The following TENM2 variants were observed in gnomAD, a reference collection of about 807,000 sequenced individuals.
TENM2 encodes the protein teneurin-2.
Under a neutral mutation model 245.2 loss-of-function variants are expected in TENM2, and 52 were observed. The ratio of observed to expected loss-of-function variants is 0.21; its 90% confidence interval spans 0.17 to 0.27. TENM2 has a LOEUF of 0.27. TENM2 is among the 10% of genes least tolerant of loss of function. The pLI is 1.00. For synonymous variants in TENM2, 1,363 were observed against 1,438.9 expected (o/e 0.95, Z 1.19); for missense variants, 3,046 against 3,666.8 (o/e 0.83, Z 4.37).
At chr5:168,142,322 T>C (rs1303267319) in intron 12 of TENM2, among the ~76,000 whole-genome samples, 2 of 152,266 alleles carry the variant, frequency 1.3e-5, no homozygotes, top group African/African-American at 2.4e-5. Flanking sequence ...CTTTAAGTCA[T>C]GTCTAACTGA....
chr5:167,793,596 A>C (rs1453359590), intron 2 of TENM2, among the ~76,000 whole-genome samples: 3 of 152,146 alleles, frequency 2.0e-5, no homozygotes, highest in Middle Eastern at 6.8e-3. Context: ...GCATTTTGGG[A>C]GGCCAAGGTG....
At chr5:167,118,513 A>T in the TENM2 span, among the ~76,000 whole-genome samples, 1 of 152,358 alleles carries the variant, frequency 6.6e-6, no homozygotes, top group East Asian at 1.9e-4. Flanking sequence ...CCTTTTGGAA[A>T]GCTCAGTTAT....
intron 2 of TENM2, among the ~76,000 whole-genome samples, chr5:167,489,086 G>T (rs1057197622): frequency 6.6e-6 from 1 of 152,150 alleles, no homozygotes; most frequent in Non-Finnish European, 1.5e-5. Context: ...CTGGGTCATC[G>T]CATTGGCTTT....
chr5:167,508,164 C>G (rs1293972527), intron 2 of TENM2, among the ~76,000 whole-genome samples: 2 of 152,130 alleles, frequency 1.3e-5, no homozygotes, highest in Non-Finnish European at 2.9e-5. Context: ...AACTTAAAAA[C>G]AATTGGCTCA....
chr5:167,863,893 A>C (rs756273175), intron 2 of TENM2, among the ~76,000 whole-genome samples: 1 of 152,226 alleles, frequency 6.6e-6, no homozygotes, highest in Non-Finnish European at 1.5e-5. Flanking sequence ...GGGAGGGTAT[A>C]AATCAATGCA....
At chr5:167,907,063 T>C (rs1299284355) in intron 3 of TENM2, among the ~76,000 whole-genome samples, 1 of 151,740 alleles carries the variant, frequency 6.6e-6, no homozygotes, top group Non-Finnish European at 1.5e-5. Flanking sequence ...AGAAACCCCA[T>C]CTCTACTAAA....
At chr5:167,183,846 G>GATTAATT in the TENM2 span, among the ~76,000 whole-genome samples, 1 of 152,136 alleles carries the variant, frequency 6.6e-6, no homozygotes, top group African/African-American at 2.4e-5. Context: ...AAGTGGAAAT[G>GATTAATT]TACCAATATG....
intron 2 of TENM2, among the ~76,000 whole-genome samples, chr5:167,387,943 T>C (rs1277839773): frequency 2.6e-5 from 4 of 152,050 alleles, no homozygotes; most frequent in African/African-American, 9.7e-5. Context: ...AGGACTTTAA[T>C]ATTTATGTTC....
At chr5:168,121,630 G>C (rs953408644) in intron 10 of TENM2, among the ~76,000 whole-genome samples, 1 of 152,102 alleles carries the variant, frequency 6.6e-6, no homozygotes, top group Non-Finnish European at 1.5e-5. Flanking sequence ...AGAGAAGAGA[G>C]AGCTAATTTA....
At chr5:168,134,756 A>G (rs973692781) in intron 12 of TENM2, among the ~76,000 whole-genome samples, 9 of 152,196 alleles carry the variant, frequency 5.9e-5, no homozygotes, top group Non-Finnish European at 1.0e-4. Flanking sequence ...TTTGCTTCCA[A>G]TCCCTCAAGA....
At chr5:167,640,842 C>CGT (rs1779509768) in intron 2 of TENM2, among the ~76,000 whole-genome samples, 1 of 75,488 alleles carries the variant, frequency 1.3e-5, no homozygotes, top group African/African-American at 3.9e-5. Context: ...TATATATATC[C>CGT]ATATATATAT....
chr5:168,239,878 T>G (rs1765931229), intron 25 of TENM2, among the ~76,000 whole-genome samples: 1 of 152,152 alleles, frequency 6.6e-6, no homozygotes, highest in South Asian at 2.1e-4. Context: ...CTGAGTGTAT[T>G]TTAACCAAGA....
chr5:167,203,017 A>G, the TENM2 span, among the ~76,000 whole-genome samples: 1 of 152,196 alleles, frequency 6.6e-6, no homozygotes, highest in African/African-American at 2.4e-5. Context: ...TTTGCCAAAT[A>G]CCATACACAT....
At chr5:167,576,796 T>C (rs1310984102) in intron 2 of TENM2, among the ~76,000 whole-genome samples, 1 of 152,212 alleles carries the variant, frequency 6.6e-6, no homozygotes, top group Non-Finnish European at 1.5e-5. Context: ...ATTTCATTGC[T>C]CTGAGACTGT....
chr5:167,008,153 G>A, the TENM2 span, among the ~76,000 whole-genome samples: 15 of 152,210 alleles, frequency 9.9e-5, no homozygotes, highest in East Asian at 5.8e-4. Context: ...GACACGTAGC[G>A]TATATCATAA....
chr5:167,690,968 TGTAG>T (rs1464301742), intron 2 of TENM2, among the ~76,000 whole-genome samples: 5 of 146,802 alleles, frequency 3.4e-5, no homozygotes, highest in Non-Finnish European at 7.5e-5. Context: ...TGTGTGTGTG[TGTAG>T]AGAGAGAGAG....
intron 27 of TENM2, 89 bp from the exon 30 acceptor site, chr5:168,260,194 C>G: frequency 6.9e-7 from 1 of 1,453,720 alleles, no homozygotes; most frequent in Non-Finnish European, 9.5e-7. Context: ...CACCCAACCA[C>G]CCATTTTATT....
intron 2 of TENM2, among the ~76,000 whole-genome samples, chr5:167,474,996 G>A (rs1287309467): frequency 6.6e-6 from 1 of 152,086 alleles, no homozygotes; most frequent in East Asian, 1.9e-4. Context: ...AGATGTTTCA[G>A]GCAGATATAT....
At chr5:167,926,727 C>A (rs906060393) in intron 3 of TENM2, among the ~76,000 whole-genome samples, 14 of 140,894 alleles carry the variant, frequency 9.9e-5, no homozygotes, top group Admixed American at 1.4e-4. Flanking sequence ...ACCACACACA[C>A]ACACACACAC....
Sources: allele counts gnomAD v4.1 joint callset (sites outside exome capture counted in the v4.1 genomes callset), GRCh38; gene constraint gnomAD v4.1.1; transcripts MANE v1.5; gene names NCBI Gene and HGNC (gene_info 2026-07-23, HGNC 2026-07-21).